The following DTNA variants were observed in gnomAD, a reference collection of about 807,000 sequenced individuals.
DTNA encodes the protein dystrophin-related protein 3.
Under a neutral mutation model 100.7 loss-of-function variants are expected in DTNA, and 43 were observed. The observed-to-expected ratio is 0.43, with a 90% CI of 0.33 to 0.55. The LOEUF is 0.55. DTNA is among the 20% of genes least tolerant of loss of function. DTNA has a pLI of 0.04. For synonymous variants in DTNA, 349 were observed against 347.9 expected (o/e 1.00, Z -0.04); for missense variants, 798 against 953.9 (o/e 0.84, Z 2.15).
intron 20 of DTNA, among the ~76,000 whole-genome samples, chr18:34,880,707 G>A (rs2096863681): frequency 6.6e-6 from 1 of 152,198 alleles, no homozygotes; most frequent in Admixed American, 6.5e-5. Context: ...TAATCATGGA[G>A]AATTATCAAG....
intron 1 of DTNA, among the ~76,000 whole-genome samples, chr18:34,624,862 T>C (rs2057086494): frequency 6.6e-6 from 1 of 152,068 alleles, no homozygotes; most frequent in Admixed American, 6.6e-5. Flanking sequence ...GGACACTTTT[T>C]TTCATTTGTT....
chr18:34,561,502 CA>C (rs1256783046), intron 1 of DTNA, among the ~76,000 whole-genome samples: 1 of 152,000 alleles, frequency 6.6e-6, no homozygotes, highest in African/African-American at 2.4e-5. Flanking sequence ...TTCTCAACAT[CA>C]CAGTTGAGTT....
chr18:34,508,235 T>C (rs1191313694), intron 1 of DTNA, among the ~76,000 whole-genome samples: 3 of 152,166 alleles, frequency 2.0e-5, no homozygotes, highest in Admixed American at 6.6e-5. Flanking sequence ...CATTAGGTAT[T>C]TGGAGGTGAG....
intron 5 of DTNA, among the ~76,000 whole-genome samples, chr18:34,809,897 C>T (rs1241010557): frequency 6.6e-6 from 1 of 152,092 alleles, no homozygotes; most frequent in Non-Finnish European, 1.5e-5. Flanking sequence ...TGTGTAATTC[C>T]AGGGAGCATC....
rs1046382566 is a variant in DTNA at position 34,513,342 on chromosome 18, A to G, written c.-2+19828A>G. Among the ~76,000 whole-genome samples, 7 of 152,182 alleles carry G rather than the reference A, an allele frequency of 4.6e-5. No individual in the cohort carries two copies. The East Asian group carries it at 1.2e-3, about 25-fold the overall frequency. On this transcript the variant is annotated intron_variant, in intron 1 of 19. Coordinates refer to the DTNA transcript ENST00000283365. Reference sequence around the variant, plus strand: ...GCAAAACTAAATAGTTATGGTCATAACATGTGCCAGTCTTTACCTAGCGAT... The same window carrying G: ...GCAAAACTAAATAGTTATGGTCATAGCATGTGCCAGTCTTTACCTAGCGAT...
intron 1 of DTNA, among the ~76,000 whole-genome samples, chr18:34,503,440 A>G (rs893737137): frequency 7.2e-5 from 11 of 151,884 alleles, no homozygotes; most frequent in Middle Eastern, 3.4e-3. Flanking sequence ...GGTGCCCACC[A>G]TCACACCTGG....
intron 1 of DTNA, among the ~76,000 whole-genome samples, chr18:34,585,462 A>G (rs575036074): frequency 3.7e-4 from 56 of 152,338 alleles, no homozygotes; most frequent in Admixed American, 7.2e-4. Flanking sequence ...TGGATAATAT[A>G]TACAAGTTAA....
At chr18:34,497,989 A>G (rs1427567120) in intron 1 of DTNA, among the ~76,000 whole-genome samples, 1 of 152,192 alleles carries the variant, frequency 6.6e-6, no homozygotes, top group Non-Finnish European at 1.5e-5. Flanking sequence ...AATTAATGTA[A>G]GAATTTTAAG....
intron 1 of DTNA, among the ~76,000 whole-genome samples, chr18:34,538,502 A>G (rs2043936878): frequency 6.6e-6 from 1 of 152,080 alleles, no homozygotes; most frequent in Non-Finnish European, 1.5e-5. Context: ...TAGAATCTCT[A>G]CGCAGTGAGC....
intron 1 of DTNA, among the ~76,000 whole-genome samples, chr18:34,603,099 G>A (rs1417007851): frequency 1.3e-5 from 2 of 151,906 alleles, no homozygotes; most frequent in South Asian, 2.1e-4. Flanking sequence ...GTGTGTGCCT[G>A]TAGTTCCAAT....
intron 1 of DTNA, among the ~76,000 whole-genome samples, chr18:34,639,582 C>G (rs2059038568): frequency 6.6e-6 from 1 of 152,192 alleles, no homozygotes; most frequent in African/African-American, 2.4e-5. Flanking sequence ...TCAAACTAAA[C>G]TTCTCTGAAT....
At chr18:34,554,508 G>A (rs1475660137) in intron 1 of DTNA, among the ~76,000 whole-genome samples, 1 of 150,606 alleles carries the variant, frequency 6.6e-6, no homozygotes, top group Non-Finnish European at 1.5e-5. Context: ...ATTGGCTGTG[G>A]GTTTGTCATA....
At chr18:34,675,027 C>A (rs2077230718) in intron 1 of DTNA, among the ~76,000 whole-genome samples, 1 of 152,122 alleles carries the variant, frequency 6.6e-6, no homozygotes, top group African/African-American at 2.4e-5. Context: ...CCTTGTTCAA[C>A]TTCAGAGGTC....
intron 1 of DTNA, among the ~76,000 whole-genome samples, chr18:34,631,070 A>G (rs923723496): frequency 1.3e-5 from 2 of 152,228 alleles, no homozygotes; most frequent in South Asian, 4.1e-4. Context: ...GATTTAAACA[A>G]TAATACTAGC....
rs746624773 is a variant in DTNA at position 34,820,835 on chromosome 18, G to C, written c.921G>C (p.Leu307=). 6.2e-7 allele frequency: 1 copy of C among 1,614,100 alleles called. No individual in the cohort carries two copies. The highest frequency in any genetic ancestry group is 8.5e-7 in the Non-Finnish European group (1 of 1,180,004). The change falls in exon 9 of 23, where the codon CTG becomes CTC. Residue 307 remains leucine (L), a synonymous_variant. Coordinates refer to ENST00000444659, the MANE Select transcript of DTNA (RefSeq NM_001386795.1). Reference sequence around the variant, plus strand: ...TGACTAATGCATTAAGCAAGTCCCTGAGCTGTGCTTCCAGCCGTGAACCTT... The same window carrying C: ...TGACTAATGCATTAAGCAAGTCCCTCAGCTGTGCTTCCAGCCGTGAACCTT... The part of the protein sequence containing the change: ...KKLTNALSKS[L]SCASSREPLH...
intron 1 of DTNA, among the ~76,000 whole-genome samples, chr18:34,628,799 G>C (rs1342647503): frequency 6.6e-6 from 1 of 152,030 alleles, no homozygotes; most frequent in Non-Finnish European, 1.5e-5. Flanking sequence ...CACTTTATAA[G>C]CTTATATTTT....
chr18:34,713,641 T>G (rs900042472), intron 1 of DTNA, among the ~76,000 whole-genome samples: 2 of 151,702 alleles, frequency 1.3e-5, no homozygotes, highest in South Asian at 2.1e-4. Flanking sequence ...CATATGAACT[T>G]TAAAGTAGTT....
At chr18:34,722,245 A>G (rs1223147775) in intron 1 of DTNA, among the ~76,000 whole-genome samples, 2 of 152,180 alleles carry the variant, frequency 1.3e-5, no homozygotes, top group Non-Finnish European at 2.9e-5. Context: ...TATTAAATAT[A>G]TTATAAGCTA....
intron 1 of DTNA, among the ~76,000 whole-genome samples, chr18:34,607,926 C>G (rs1260437810): frequency 6.6e-6 from 1 of 152,168 alleles, no homozygotes; most frequent in Non-Finnish European, 1.5e-5. Flanking sequence ...ACTGATGGCT[C>G]TGTTTAATAG....
Sources: allele counts gnomAD v4.1 joint callset (sites outside exome capture counted in the v4.1 genomes callset), GRCh38; gene constraint gnomAD v4.1.1; transcripts MANE v1.5; gene names NCBI Gene and HGNC (gene_info 2026-07-23, HGNC 2026-07-21).